Variants in OTUD7A observed in about 807,000 individuals in gnomAD.
OTUD7A encodes the protein OTU domain-containing protein 7A.
Under a neutral mutation model 65.7 loss-of-function variants are expected in OTUD7A, and 12 were observed. The ratio of observed to expected loss-of-function variants is 0.18; its 90% CI spans 0.12 to 0.30. The LOEUF (loss-of-function observed/expected upper bound fraction) is 0.30, where lower values mean the gene tolerates loss of function less well. Ranked by LOEUF, OTUD7A falls within the 10% of genes least tolerant of loss-of-function variation. OTUD7A has a pLI of 1.00. For synonymous variants in OTUD7A, 641 were observed against 586.3 expected, an observed-to-expected ratio of 1.09 and a Z score of -1.35; for missense variants, 1,148 against 1,304.8, an observed-to-expected ratio of 0.88 and a Z score of 1.85.
At chr15:31,555,107 C>T (rs1488132238) in intron 5 of OTUD7A, among the ~76,000 whole-genome samples, 2 of 152,108 alleles carry the variant, frequency 1.3e-5, no homozygotes, top group South Asian at 2.1e-4. Flanking sequence ...GCAGATACCA[C>T]GCAGGGCCCC....
At chr15:31,497,618 C>T (rs1320140735) in intron 10 of OTUD7A, among the ~76,000 whole-genome samples, 1 of 152,036 alleles carries the variant, frequency 6.6e-6, no homozygotes, top group African/African-American at 2.4e-5. Context: ...AACAAAGCAC[C>T]CCCTCCCTAC....
chr15:31,701,328 G>C (rs1490715652), intron 1 of OTUD7A, among the ~76,000 whole-genome samples: 1 of 150,834 alleles, frequency 6.6e-6, no homozygotes, highest in Non-Finnish European at 1.5e-5. Flanking sequence ...GGAAAAACTC[G>C]GTGAAAGGTA....
intron 5 of OTUD7A, among the ~76,000 whole-genome samples, chr15:31,554,528 T>C (rs1888429061): frequency 6.6e-6 from 1 of 152,204 alleles, no homozygotes; most frequent in East Asian, 1.9e-4. Context: ...TAACTTACCA[T>C]TCTCTGGCAG....
intron 1 of OTUD7A, among the ~76,000 whole-genome samples, chr15:31,688,648 T>C (rs1392264270): frequency 6.6e-6 from 1 of 152,224 alleles, no homozygotes; most frequent in Non-Finnish European, 1.5e-5. Flanking sequence ...AGTGCTATAC[T>C]TTTGTAGAAG....
chr15:31,860,677 G>GTGTGTATATATA (rs560896384), intron 1 of OTUD7A, among the ~76,000 whole-genome samples: 23 of 73,278 alleles, frequency 3.1e-4, no homozygotes, highest in African/African-American at 3.7e-4. Flanking sequence ...ATGTATGTGT[G>GTGTGTATATATA]TATATATATA....
At chr15:31,767,079 G>A in intron 1 of OTUD7A, 1 of 1,581,768 alleles carries the variant, frequency 6.3e-7, no homozygotes, top group Non-Finnish European at 8.6e-7. Context: ...ATCCTGGATT[G>A]CTTATCTGTA....
intron 1 of OTUD7A, among the ~76,000 whole-genome samples, chr15:31,659,210 G>A (rs746414116): frequency 5.3e-5 from 8 of 152,310 alleles, no homozygotes; most frequent in Non-Finnish European, 8.8e-5. Flanking sequence ...GGGAGATGAT[G>A]GCAGAGGCTT....
intron 1 of OTUD7A, among the ~76,000 whole-genome samples, chr15:31,672,767 A>G (rs1892512338): frequency 6.6e-6 from 1 of 152,184 alleles, no homozygotes; most frequent in African/African-American, 2.4e-5. Flanking sequence ...GAAGCAAAAC[A>G]TTTCCTTAGT....
chr15:31,859,454 ATTCAG>A (rs547090617), intron 1 of OTUD7A, among the ~76,000 whole-genome samples: 119 of 152,354 alleles, frequency 7.8e-4, no homozygotes, highest in South Asian at 1.7e-3. Flanking sequence ...CCAGCTATAT[ATTCAG>A]TTAAGTGATA....
In OTUD7A at chr15:31,630,420, C is replaced by A. The variant is rs546248829; in HGVS notation, c.151+24676G>T. Reference sequence around the variant, plus strand: ...AGTGGTTTTCAGTGAGTTTCTTAGTCCTGAGTTCTAGTTTGATTGCACTGT... The same window carrying A: ...AGTGGTTTTCAGTGAGTTTCTTAGTACTGAGTTCTAGTTTGATTGCACTGT... On this transcript the variant is annotated intron_variant, in intron 3 of 12. Coordinates refer to ENST00000307050, the MANE Select transcript of OTUD7A (RefSeq NM_001382637.1). Among the ~76,000 whole-genome samples the A allele has an allele frequency of 3.1e-3, 479 of 152,254 alleles. 11 individuals carry two copies. The highest frequency in any genetic ancestry group is 0.029 in the Admixed American group (436 of 15,296).
At chr15:31,621,799 A>G (rs192030584) in intron 3 of OTUD7A, among the ~76,000 whole-genome samples, 1 of 147,244 alleles carries the variant, frequency 6.8e-6, no homozygotes. Flanking sequence ...TGAATCTGAT[A>G]CTGCCATTAT....
At chr15:31,847,454 G>C (rs1897317576) in intron 1 of OTUD7A, among the ~76,000 whole-genome samples, 1 of 152,180 alleles carries the variant, frequency 6.6e-6, no homozygotes, top group South Asian at 2.1e-4. Flanking sequence ...AAGGTCCCAG[G>C]TCACAGTGAC....
intron 3 of OTUD7A, among the ~76,000 whole-genome samples, chr15:31,622,957 T>C (rs1890839560): frequency 6.6e-6 from 1 of 152,196 alleles, no homozygotes; most frequent in Non-Finnish European, 1.5e-5. Flanking sequence ...GGATGTCCTT[T>C]CTGTTTGTTA....
chr15:31,750,244 C>T (rs1304913554), intron 1 of OTUD7A, among the ~76,000 whole-genome samples: 1 of 151,666 alleles, frequency 6.6e-6, no homozygotes, highest in Non-Finnish European at 1.5e-5. Flanking sequence ...CCTGTCTCTA[C>T]AAAAAATACA....
rs1158595788 is a variant in OTUD7A, at chr15:31,860,685, ATATATATATATATATGTATG to A, written c.-100+9802_-100+9821del. 4.1e-5 allele frequency among the ~76,000 whole-genome samples: 5 copies of A among 122,488 alleles called. 1 individual carries two copies. The highest frequency in any genetic ancestry group is 1.2e-4 in the African/African-American group (4 of 33,702). The allele number at this position is 122,488 out of a possible 152,430, so 80.4% of individuals were successfully genotyped here. ...TATATAGATGTATGTGTGTATATATATATATATATATATATGTATGTATATATATATATTTTTTGGGACGG... is the reference window on the plus strand; with the variant it reads ...TATATAGATGTATGTGTGTATATATATATATATATATATTTTTTGGGACGG... On this transcript the variant is annotated intron_variant, in intron 1 of 12. Coordinates refer to ENST00000307050, the MANE Select transcript of OTUD7A (RefSeq NM_001382637.1).
intron 3 of OTUD7A, among the ~76,000 whole-genome samples, chr15:31,646,998 C>T (rs1291323456): frequency 6.6e-6 from 1 of 152,230 alleles, no homozygotes; most frequent in South Asian, 2.1e-4. Flanking sequence ...TGAGGCCAGG[C>T]GAGAGGGAGT....
intron 3 of OTUD7A, among the ~76,000 whole-genome samples, chr15:31,618,514 T>C (rs1481962544): frequency 6.6e-6 from 1 of 152,218 alleles, no homozygotes; most frequent in Non-Finnish European, 1.5e-5. Flanking sequence ...TTGATTTGCA[T>C]TTCTCTGATG....
intron 5 of OTUD7A, chr15:31,558,758 C>A: frequency 1.7e-6 from 1 of 605,714 alleles, no homozygotes; most frequent in South Asian, 2.1e-5. Context: ...GATTTCAGCA[C>A]CACCTAGTTA....
intron 1 of OTUD7A, among the ~76,000 whole-genome samples, chr15:31,702,151 A>G (rs1396361529): frequency 9.3e-6 from 1 of 107,514 alleles, no homozygotes; most frequent in East Asian, 2.3e-4. Flanking sequence ...AGCATTCACA[A>G]AAAACCTACA....
Sources: allele counts gnomAD v4.1 joint callset (sites outside exome capture counted in the v4.1 genomes callset), GRCh38; gene constraint gnomAD v4.1.1; transcripts MANE v1.5; gene names NCBI Gene and HGNC (gene_info 2026-07-23, HGNC 2026-07-21).